RNF214: variants seen among roughly 807,000 people sequenced by gnomAD.
RNF214 encodes ring finger protein 214.
RNF214 carries 25 observed loss-of-function variants against 75.9 expected under a neutral mutation model. That is an observed-to-expected ratio of 0.33 (90% CI 0.24 to 0.46). The LOEUF (loss-of-function observed/expected upper bound fraction) is 0.46, where lower values mean the gene tolerates loss of function less well. Among genes scored for constraint, RNF214 ranks in the 20% least tolerant of loss-of-function variants. RNF214 has a pLI of 1.00. For missense variants in RNF214, 725 were observed against 857.5 expected, an observed-to-expected ratio of 0.85 and a Z score of 1.93; for synonymous variants, 314 against 308.8, an observed-to-expected ratio of 1.02 and a Z score of -0.18.
intron 6 of RNF214, among the ~76,000 whole-genome samples, chr11:117,274,348 A>C (rs1368803151): frequency 2.1e-5 from 3 of 146,212 alleles, no homozygotes; most frequent in Non-Finnish European, 4.5e-5. Context: ...TGGGAAAACA[A>C]ATGACTTCTT....
chr11:117,233,908 G>T (rs1047272884), intron 1 of RNF214, among the ~76,000 whole-genome samples: 3 of 152,184 alleles, frequency 2.0e-5, no homozygotes, highest in African/African-American at 7.2e-5. Context: ...CGAAAAGTAC[G>T]TCTTTTATTA....
At chr11:117,271,625 A>G (rs2033912229) in intron 6 of RNF214, among the ~76,000 whole-genome samples, 1 of 152,216 alleles carries the variant, frequency 6.6e-6, no homozygotes, top group Non-Finnish European at 1.5e-5. Flanking sequence ...TTAAATTTGA[A>G]GTATTTGCAG....
At chr11:117,269,935 C>G (rs1029236995) in intron 6 of RNF214, among the ~76,000 whole-genome samples, 4 of 152,190 alleles carry the variant, frequency 2.6e-5, no homozygotes, top group African/African-American at 9.7e-5. Flanking sequence ...GTAACCTCAT[C>G]ATAAGTCAGG....
At chr11:117,242,552 G>C (rs1483910760) in intron 4 of RNF214, among the ~76,000 whole-genome samples, 3 of 152,160 alleles carry the variant, frequency 2.0e-5, no homozygotes, top group Non-Finnish European at 4.4e-5. Context: ...AGGTCCACAT[G>C]CTTTTAAAAA....
chr11:117,258,514 ATAAT>A (rs913132556), intron 6 of RNF214, among the ~76,000 whole-genome samples: 5 of 152,148 alleles, frequency 3.3e-5, no homozygotes, highest in Admixed American at 1.3e-4. Flanking sequence ...ATACATGTAC[ATAAT>A]TAATTAGAGT....
At chr11:117,269,713 G>C (rs1309017824) in intron 6 of RNF214, among the ~76,000 whole-genome samples, 1 of 152,196 alleles carries the variant, frequency 6.6e-6, no homozygotes, top group Non-Finnish European at 1.5e-5. Context: ...CAGGTAATCT[G>C]TCTGAACTGT....
At position 117,247,031 on chromosome 11, in the gene RNF214, C is replaced by T. The variant is rs557701502; in HGVS notation, c.959+83C>T. 1.3e-4 allele frequency: 151 copies of T among 1,134,054 alleles called. No homozygotes were observed. The South Asian group carries it at 3.8e-3, about 29-fold the overall frequency. 70.2% of individuals were successfully genotyped at this position (1,134,054 alleles called of 1,614,324 possible). A position where few individuals can be genotyped will look rare whatever the true frequency, so the allele number is the denominator to read the frequency against. Reference sequence around the variant, plus strand: ...ACCCGTTTGTATTTGTAGTTTCTTTCCCTTCGGTTTAATTTTTATTTGAAA... The same window carrying T: ...ACCCGTTTGTATTTGTAGTTTCTTTTCCTTCGGTTTAATTTTTATTTGAAA... On this transcript the variant is annotated intron_variant, in intron 6 of 14. Coordinates refer to ENST00000300650, the MANE Select transcript of RNF214 (RefSeq NM_207343.4).
intron 6 of RNF214, among the ~76,000 whole-genome samples, chr11:117,248,040 G>C (rs1336291846): frequency 6.6e-6 from 1 of 152,044 alleles, no homozygotes; most frequent in Non-Finnish European, 1.5e-5. Context: ...AGCAAAGTGG[G>C]CATAGAATTT....
chr11:117,266,372 A>T (rs2134400050), intron 6 of RNF214, among the ~76,000 whole-genome samples: 4 of 151,388 alleles, frequency 2.6e-5, no homozygotes, highest in African/African-American at 9.7e-5. Context: ...CTTTTTTTTT[A>T]AATTTGAGAC....
intron 2 of RNF214, among the ~76,000 whole-genome samples, chr11:117,235,834 G>A (rs2032891857): frequency 6.6e-6 from 1 of 152,178 alleles, no homozygotes; most frequent in South Asian, 2.1e-4. Context: ...ATAGTGATCA[G>A]ATCAGGGTAA....
At chr11:117,247,251 A>G (rs756780439) in intron 6 of RNF214, among the ~76,000 whole-genome samples, 16 of 152,140 alleles carry the variant, frequency 1.1e-4, no homozygotes, top group Admixed American at 2.0e-4. Flanking sequence ...GCGCTTTGGG[A>G]CACCAAGGTG....
At chr11:117,265,730 T>TA (rs1423015960) in intron 6 of RNF214, among the ~76,000 whole-genome samples, 4 of 152,180 alleles carry the variant, frequency 2.6e-5, no homozygotes, top group African/African-American at 9.6e-5. Context: ...TTAGTTTTTT[T>TA]AAAAAATCAA....
Position 117,286,105 on chromosome 11 carries a change from G to C in RNF214, c.*954G>C, listed in dbSNP as rs1183048736. The C allele has an allele frequency of 6.6e-6, 1 of 152,642 alleles. No homozygotes were observed. The highest frequency in any genetic ancestry group is 1.5e-5 in the Non-Finnish European group (1 of 68,046). 9.5% of individuals were successfully genotyped at this position (152,642 alleles called of 1,614,324 possible). A position where few individuals can be genotyped will look rare whatever the true frequency, so the allele number is the denominator to read the frequency against. ...CTCCAGACAGGCACTGGGGTGAGGA[G>C]ATGTCTGTGCAAAATTACTTGTAGA... On this transcript the variant is annotated 3_prime_UTR_variant, in exon 15 of 15. Transcript: ENST00000300650.
chr11:117,261,056 G>C (rs2033651177), intron 6 of RNF214, among the ~76,000 whole-genome samples: 1 of 151,810 alleles, frequency 6.6e-6, no homozygotes, highest in African/African-American at 2.4e-5. Flanking sequence ...TATTGCACTG[G>C]CTAGGACCTC....
Position 117,246,800 on chromosome 11 carries a change from G to T in RNF214, c.820-9G>T. On this transcript the variant is annotated splice_polypyrimidine_tract_variant and intron_variant, in intron 5 of 14. Transcript: ENST00000300650. ...TATTTGTGTGCGACTGTAATTGTGTGGAACTCAGGAGATATTAAAGGCTAT... is the reference window on the plus strand; with the variant it reads ...TATTTGTGTGCGACTGTAATTGTGTTGAACTCAGGAGATATTAAAGGCTAT... 2 of 1,532,564 alleles carry T rather than the reference G, an allele frequency of 1.3e-6. No individual in the cohort carries two copies. Among genetic ancestry groups the T allele is most frequent in the South Asian group, 1.3e-5 (1 of 75,378 alleles). 94.9% of individuals were successfully genotyped at this position (1,532,564 alleles called of 1,614,324 possible). A position where few individuals can be genotyped will look rare whatever the true frequency, so the allele number is the denominator to read the frequency against.
chr11:117,251,352 C>T (rs571407384), intron 6 of RNF214, among the ~76,000 whole-genome samples: 17 of 129,208 alleles, frequency 1.3e-4, no homozygotes, highest in South Asian at 1.1e-3. Context: ...CCTCACCTCC[C>T]GGACGGGGCG....
At chr11:117,239,327 T>C (rs975812396) in intron 3 of RNF214, 5 of 572,370 alleles carry the variant, frequency 8.7e-6, no homozygotes, top group Non-Finnish European at 1.5e-5. Context: ...TCTAATCTTA[T>C]GGCAAGTAGG....
At position 117,278,293 on chromosome 11, in the gene RNF214, G is replaced by C. The variant is rs144082285; in HGVS notation, c.960-1615G>C. Among the ~76,000 whole-genome samples the C allele has an allele frequency of 7.8e-4, 119 of 152,270 alleles. 2 individuals are homozygous for C. Among genetic ancestry groups the C allele is most frequent in the African/African-American group, 2.8e-3 (115 of 41,554 alleles). The stretch of plus-strand genomic sequence containing the variant: ...CACTCTAGCCTGGGTGACAGAGTGA[G>C]ACTCTGTCTCAAAACAAAACAAAAC... On this transcript the variant is annotated intron_variant, in intron 6 of 14. Transcript: ENST00000300650.
chr11:117,233,936 G>A (rs1436179910), intron 1 of RNF214, among the ~76,000 whole-genome samples: 1 of 152,158 alleles, frequency 6.6e-6, no homozygotes, highest in Non-Finnish European at 1.5e-5. Context: ...TAGCAGACAA[G>A]GTAGGCCTGG....
Sources: gnomAD v4.1 joint callset for allele counts (sites outside exome capture counted in the v4.1 genomes callset) on GRCh38, gnomAD v4.1.1 for gene constraint, MANE v1.5 for transcripts, NCBI Gene and HGNC (gene_info 2026-07-23, HGNC 2026-07-21) for gene names.